The following WDPCP variants were observed in gnomAD, a reference collection of about 807,000 sequenced individuals.
WDPCP encodes the protein WD repeat-containing and planar cell polarity effector protein fritz homolog.
WDPCP carries 71 observed loss-of-function variants against 93.1 expected under a neutral mutation model. That is an observed-to-expected ratio of 0.76 (90% CI 0.63 to 0.93). The LOEUF is 0.93. Ranked by LOEUF, WDPCP falls within the 40% of genes least tolerant of loss-of-function variation. WDPCP has a pLI of 0.00. For synonymous variants in WDPCP, 315 were observed against 315.0 expected, an observed-to-expected ratio of 1.00 and a Z score of 0.00; for missense variants, 844 against 887.4, an observed-to-expected ratio of 0.95 and a Z score of 0.62.
chr2:63,252,782 A>AACTT (rs1680843187), intron 14 of WDPCP, among the ~76,000 whole-genome samples: 3 of 152,180 alleles, frequency 2.0e-5, no homozygotes, highest in African/African-American at 7.2e-5. Context: ...CAAATGGAAA[A>AACTT]ACTTCCACGT....
chr2:63,533,640 T>C (rs1704038090), intron 1 of WDPCP, among the ~76,000 whole-genome samples: 1 of 152,044 alleles, frequency 6.6e-6, no homozygotes, highest in Non-Finnish European at 1.5e-5. Context: ...AAGGCAGAAA[T>C]AAAGATGTGT....
intron 3 of WDPCP, among the ~76,000 whole-genome samples, chr2:63,623,205 A>G (rs564471849): frequency 2.0e-4 from 30 of 152,366 alleles, no homozygotes; most frequent in African/African-American, 6.3e-4. Flanking sequence ...TATGGAAAGG[A>G]AAAACTGGTA....
In WDPCP at chr2:63,725,789, T is replaced by C. The variant is rs553512691; in HGVS notation, n.309-74951A>G. Among the ~76,000 whole-genome samples the C allele has an allele frequency of 1.1e-4, 17 of 152,324 alleles. No individual in the cohort carries two copies. The East Asian group carries it at 1.3e-3, about 12-fold the overall frequency. On this transcript the variant is annotated intron_variant and non_coding_transcript_variant, in intron 2 of 4. Transcript: ENST00000467687. ...ATTGTGGTTTTGATTTAAATTTCTC[T>C]GATGATTGGTGATGTTGAGCATTTT...
intron 2 of WDPCP, among the ~76,000 whole-genome samples, chr2:63,726,002 T>C (rs774003694): frequency 6.6e-6 from 1 of 152,222 alleles, no homozygotes; most frequent in Admixed American, 6.5e-5. Flanking sequence ...GTCTGCTTAC[T>C]CCATTGATAG....
rs755360318 is a variant in WDPCP at position 63,174,659 on chromosome 2, A to G, written c.2078+11T>C. On this transcript the variant is annotated intron_variant, in intron 15 of 17. Coordinates refer to ENST00000272321, the MANE Select transcript of WDPCP (RefSeq NM_015910.7). ...TTTATGGAGCAATTTCCTCAGTTCA[A>G]CATTTCTTACCTGTTAGAAGAGCCA... The G allele has an allele frequency of 6.2e-6, 10 of 1,613,828 alleles. No homozygotes were observed. The highest frequency in any genetic ancestry group is 1.1e-5 in the South Asian group (1 of 91,072).
intron 3 of WDPCP, chr2:63,622,903 G>A (rs779859324): frequency 1.1e-5 from 14 of 1,285,392 alleles, no homozygotes; most frequent in East Asian, 2.5e-5. Flanking sequence ...CGCGGGGGCC[G>A]GGCCAGGCCG....
At chr2:63,400,428 T>C (rs1694059375) in intron 10 of WDPCP, among the ~76,000 whole-genome samples, 1 of 151,786 alleles carries the variant, frequency 6.6e-6, no homozygotes, top group African/African-American at 2.4e-5. Flanking sequence ...AAACTATGAA[T>C]AGAGTAAACA....
chr2:63,680,050 G>T (rs1331681244), intron 2 of WDPCP, among the ~76,000 whole-genome samples: 1 of 152,162 alleles, frequency 6.6e-6, no homozygotes, highest in Non-Finnish European at 1.5e-5. Context: ...CTACTTCTAG[G>T]CCAAGTTCAT....
At chr2:63,357,237 A>C (rs934578152) in intron 12 of WDPCP, among the ~76,000 whole-genome samples, 1 of 152,210 alleles carries the variant, frequency 6.6e-6, no homozygotes, top group Non-Finnish European at 1.5e-5. Flanking sequence ...CAAAGACACC[A>C]AAAGCAACTG....
At chr2:63,513,684 C>T (rs1040614271) in intron 1 of WDPCP, among the ~76,000 whole-genome samples, 1 of 152,196 alleles carries the variant, frequency 6.6e-6, no homozygotes, top group African/African-American at 2.4e-5. Context: ...CTGCCCCATA[C>T]TTCTAAGGAA....
chr2:63,621,779 G>C (rs548559160), intron 3 of WDPCP, among the ~76,000 whole-genome samples: 1 of 152,230 alleles, frequency 6.6e-6, no homozygotes, highest in African/African-American at 2.4e-5. Context: ...CAGAAAGAAA[G>C]GTCGGGTTAC....
intron 2 of WDPCP, chr2:63,684,840 C>T (rs1268691072): frequency 6.2e-6 from 2 of 321,264 alleles, no homozygotes; most frequent in East Asian, 1.3e-4. Flanking sequence ...ACTATACAAT[C>T]ACATGGAAAT....
At chr2:63,731,744 A>C (rs1380737423) in intron 2 of WDPCP, among the ~76,000 whole-genome samples, 1 of 152,248 alleles carries the variant, frequency 6.6e-6, no homozygotes, top group African/African-American at 2.4e-5. Flanking sequence ...AGCAAATATG[A>C]ATGCAATCTG....
intron 2 of WDPCP, among the ~76,000 whole-genome samples, chr2:63,720,845 C>A (rs1669405161): frequency 6.6e-6 from 1 of 152,208 alleles, no homozygotes; most frequent in Admixed American, 6.5e-5. Context: ...ACACAGCCCA[C>A]TGAAATGAAT....
intron 14 of WDPCP, among the ~76,000 whole-genome samples, chr2:63,200,423 A>G (rs956214884): frequency 2.0e-5 from 3 of 152,234 alleles, no homozygotes; most frequent in African/African-American, 7.2e-5. Flanking sequence ...ACAGGAGCCA[A>G]GACTTGGAAG....
intron 2 of WDPCP, among the ~76,000 whole-genome samples, chr2:63,735,771 C>T (rs1669630166): frequency 6.6e-6 from 1 of 152,116 alleles, no homozygotes; most frequent in Non-Finnish European, 1.5e-5. Flanking sequence ...ATAAATGTTT[C>T]ATATTCTTGT....
chr2:63,340,968 T>C (rs1452040780), intron 12 of WDPCP, among the ~76,000 whole-genome samples: 1 of 152,210 alleles, frequency 6.6e-6, no homozygotes, highest in African/African-American at 2.4e-5. Flanking sequence ...TCATTTTTAA[T>C]TTCTGTCAAA....
chr2:63,157,047 C>A (rs1164429479), intron 15 of WDPCP, among the ~76,000 whole-genome samples: 1 of 123,254 alleles, frequency 8.1e-6, no homozygotes, highest in Non-Finnish European at 1.8e-5. Context: ...GTTTTCTGGG[C>A]TTTTTTTTTT....
At chr2:63,674,250 A>T (rs1348475425) in intron 2 of WDPCP, among the ~76,000 whole-genome samples, 2 of 152,174 alleles carry the variant, frequency 1.3e-5, no homozygotes, top group African/African-American at 4.8e-5. Flanking sequence ...TGTTTCATTT[A>T]AAAAATTCCC....
Sources: gnomAD v4.1 joint callset for allele counts (sites outside exome capture counted in the v4.1 genomes callset) on GRCh38, gnomAD v4.1.1 for gene constraint, MANE v1.5 for transcripts, NCBI Gene and HGNC (gene_info 2026-07-23, HGNC 2026-07-21) for gene names.